Variants in CHSY1 observed in about 807,000 individuals in gnomAD.
The protein encoded by CHSY1 is chondroitin sulfate synthase 1, also known as N-acetylgalactosaminyl-proteoglycan 3-beta-glucuronosyltransferase 1.
In CHSY1, 13 loss-of-function variants were observed where a neutral mutation model predicts 59.8. The observed-to-expected ratio is 0.22, with a 90% CI of 0.14 to 0.35. The LOEUF is 0.35. Among genes scored for constraint, CHSY1 ranks in the 10% least tolerant of loss-of-function variants. The pLI is 1.00. For missense variants in CHSY1, 947 were observed against 1,030.6 expected (o/e 0.92, Z 1.11); for synonymous variants, 459 against 401.2 (o/e 1.14, Z -1.72).
At position 101,176,614 on chromosome 15, in the gene CHSY1, T is replaced by G. The variant is rs1307496674; in HGVS notation, c.*774A>C. ...TACGTGGCCAGCTGGGCTTGCATGG[T>G]GAAACCCCGTCTCTACTAAAAATAC... On this transcript the variant is annotated 3_prime_UTR_variant, in exon 3 of 3. Coordinates refer to ENST00000254190, the MANE Select transcript of CHSY1 (RefSeq NM_014918.5). The G allele has an allele frequency of 2.6e-6, 1 of 384,640 alleles. No individual in the cohort carries two copies. Among genetic ancestry groups the G allele is most frequent in the African/African-American group, 2.1e-5 (1 of 48,268 alleles). 23.8% of individuals were successfully genotyped at this position (384,640 alleles called of 1,614,324 possible).
At chr15:101,224,925 A>C (rs1405605600) in intron 2 of CHSY1, among the ~76,000 whole-genome samples, 1 of 152,262 alleles carries the variant, frequency 6.6e-6, no homozygotes, top group Non-Finnish European at 1.5e-5. Flanking sequence ...ATGCCATCTT[A>C]AGACCTCTTA....
intron 2 of CHSY1, among the ~76,000 whole-genome samples, chr15:101,187,216 C>T (rs1270474689): frequency 2.6e-5 from 4 of 152,320 alleles, no homozygotes; most frequent in East Asian, 1.9e-4. Flanking sequence ...CAGTGGCTCA[C>T]GCCTGTAATC....
At chr15:101,239,585 A>G (rs1179249402) in intron 1 of CHSY1, among the ~76,000 whole-genome samples, 4 of 152,216 alleles carry the variant, frequency 2.6e-5, no homozygotes, top group African/African-American at 9.7e-5. Context: ...TGTAAGTATG[A>G]CTTATTATTA....
In CHSY1 at chr15:101,175,895, T is replaced by C. The variant is rs2038181264; in HGVS notation, c.*1493A>G. 1 of 179,150 alleles carries C rather than the reference T, an allele frequency of 5.6e-6. No homozygotes were observed. Among genetic ancestry groups the C allele is most frequent in the Non-Finnish European group, 1.2e-5 (1 of 86,386 alleles). The allele number at this position is 179,150 out of a possible 1,614,324, so 11.1% of individuals were successfully genotyped here. A position where few individuals can be genotyped will look rare whatever the true frequency, so the allele number is the denominator to read the frequency against. On this transcript the variant is annotated 3_prime_UTR_variant, in exon 3 of 3. Coordinates refer to ENST00000254190, the MANE Select transcript of CHSY1 (RefSeq NM_014918.5). ...ATACGCAGCCCTCCAATGACGTGTATTAAAATGGCAAGTCTATCACTGTTT... is the reference window on the plus strand; with the variant it reads ...ATACGCAGCCCTCCAATGACGTGTACTAAAATGGCAAGTCTATCACTGTTT...
At chr15:101,242,217 G>T (rs2039009935) in intron 1 of CHSY1, among the ~76,000 whole-genome samples, 1 of 152,168 alleles carries the variant, frequency 6.6e-6, no homozygotes, top group East Asian at 1.9e-4. Flanking sequence ...GCAAGAAAAT[G>T]AGACCAAAGA....
At chr15:101,234,995 C>T (rs1596452336) in intron 2 of CHSY1, 87 bp downstream of exon 2, 2 of 1,527,792 alleles carry the variant, frequency 1.3e-6, no homozygotes, top group East Asian at 2.2e-5. Context: ...AAGAGGATAT[C>T]ATCTCTAGTT....
intron 1 of CHSY1, among the ~76,000 whole-genome samples, chr15:101,249,607 G>A (rs1397106396): frequency 1.4e-5 from 2 of 144,770 alleles, no homozygotes; most frequent in Admixed American, 1.4e-4. Context: ...TCCGCCTCCT[G>A]GGTTCAAGCG....
chr15:101,206,539 A>C (rs8040681), intron 2 of CHSY1, among the ~76,000 whole-genome samples: 3,254 of 152,316 alleles, frequency 0.021, 121 homozygotes, highest in African/African-American at 0.075. Context: ...TTTGGAAAGA[A>C]GCTTTTATGT....
At chr15:101,221,558 A>G (rs1206084229) in intron 2 of CHSY1, among the ~76,000 whole-genome samples, 1 of 152,222 alleles carries the variant, frequency 6.6e-6, no homozygotes, top group African/African-American at 2.4e-5. Context: ...ATCCATGCTC[A>G]CTTTACCCTA....
At chr15:101,247,528 G>C (rs551419319) in intron 1 of CHSY1, among the ~76,000 whole-genome samples, 1 of 152,244 alleles carries the variant, frequency 6.6e-6, no homozygotes, top group East Asian at 1.9e-4. Flanking sequence ...ACTCAGGGTC[G>C]GGGGCCAGAG....
In CHSY1 at chr15:101,234,672, G is replaced by A. The variant is rs148078532; in HGVS notation, c.816+410C>T. On this transcript the variant is annotated intron_variant, in intron 2 of 2. Coordinates refer to ENST00000254190, the MANE Select transcript of CHSY1 (RefSeq NM_014918.5). ...TCACAAGGTCAAGAGTTCGAGACCA[G>A]CCTGGCCAGCATGGTGAAACCTCGT... Among the ~76,000 whole-genome samples the A allele has an allele frequency of 1.8e-3, 269 of 152,296 alleles. 3 individuals carry two copies. In the East Asian group the frequency reaches 0.043, roughly 24 times the overall value.
In CHSY1 at chr15:101,178,021, A is replaced by G; in HGVS notation, c.1776T>C (p.Ile592=). 1 of 1,614,212 alleles carries G rather than the reference A, an allele frequency of 6.2e-7. No homozygotes were observed. The change falls in exon 3 of 3, where the codon ATT becomes ATC. Residue 592 remains isoleucine, a synonymous_variant. Coordinates refer to ENST00000254190, the MANE Select transcript of CHSY1 (RefSeq NM_014918.5). ...KQVELMRDYR[I]KYPKADMQIL... ...TCTGCATGTCGGCTTTAGGGTACTT[A>G]ATGCGGTAATCTCTCATCAGTTCAA... is the stretch of plus-strand genomic sequence containing the variant.
At chr15:101,189,926 C>G (rs941927030) in intron 2 of CHSY1, among the ~76,000 whole-genome samples, 4 of 152,244 alleles carry the variant, frequency 2.6e-5, no homozygotes, top group Non-Finnish European at 5.9e-5. Context: ...CTTGAGTCCT[C>G]GGAGGAAGAG....
At chr15:101,221,973 C>T (rs1308915679) in intron 2 of CHSY1, among the ~76,000 whole-genome samples, 3 of 152,014 alleles carry the variant, frequency 2.0e-5, no homozygotes, top group South Asian at 2.1e-4. Flanking sequence ...TCAGCAAGCC[C>T]GAGCGTTAAA....
At chr15:101,212,718 G>A (rs1567097785) in intron 2 of CHSY1, among the ~76,000 whole-genome samples, 1 of 152,190 alleles carries the variant, frequency 6.6e-6, no homozygotes. Flanking sequence ...CTAGGTGAAT[G>A]CAAGCTTAAG....
intron 1 of CHSY1, among the ~76,000 whole-genome samples, chr15:101,250,522 T>C (rs538929822): frequency 2.5e-4 from 38 of 152,216 alleles, no homozygotes; most frequent in Non-Finnish European, 4.3e-4. Flanking sequence ...AACACCAGAA[T>C]GCAGTTTTCC....
At position 101,221,180 on chromosome 15, in the gene CHSY1, C is replaced by T. The variant is rs549967685; in HGVS notation, c.816+13902G>A. Among the ~76,000 whole-genome samples the T allele has an allele frequency of 4.3e-4, 65 of 152,248 alleles. No homozygotes were observed. The South Asian group carries it at 4.6e-3, about 11-fold the overall frequency. On this transcript the variant is annotated intron_variant, in intron 2 of 2. Coordinates refer to ENST00000254190, the MANE Select transcript of CHSY1 (RefSeq NM_014918.5). ...TAGCAGGGCCTGTCACACGCAGGTA[C>T]GCAGACAAATTTTTAAAAATATATA...
chr15:101,193,590 C>A (rs530290349), intron 2 of CHSY1, among the ~76,000 whole-genome samples: 2 of 152,170 alleles, frequency 1.3e-5, no homozygotes, highest in Admixed American at 1.3e-4. Context: ...TGCACATGTG[C>A]GTATTTTAAT....
At chr15:101,184,322 C>T (rs1174679782) in intron 2 of CHSY1, among the ~76,000 whole-genome samples, 1 of 152,046 alleles carries the variant, frequency 6.6e-6, no homozygotes, top group Non-Finnish European at 1.5e-5. Flanking sequence ...GTGAAAGTTG[C>T]TGTAAGTACC....
Sources: gnomAD v4.1 joint callset for allele counts (sites outside exome capture counted in the v4.1 genomes callset) on GRCh38, gnomAD v4.1.1 for gene constraint, MANE v1.5 for transcripts, NCBI Gene and HGNC (gene_info 2026-07-23, HGNC 2026-07-21) for gene names.